Variants in KHDRBS2 observed in about 807,000 individuals in gnomAD.
KHDRBS2 encodes the protein KH domain-containing, RNA-binding, signal transduction-associated protein 2.
KHDRBS2 carries 26 observed loss-of-function variants against 44.3 expected under a neutral mutation model. The ratio of observed to expected loss-of-function variants is 0.59; its 90% CI spans 0.43 to 0.81. KHDRBS2 has a LOEUF of 0.81. Ranked by LOEUF, KHDRBS2 falls within the 40% of genes least tolerant of loss-of-function variation. KHDRBS2 has a pLI of 0.00. For missense variants in KHDRBS2, 476 were observed against 433.1 expected, an observed-to-expected ratio of 1.10 and a Z score of -0.88; for synonymous variants, 194 against 151.1, an observed-to-expected ratio of 1.28 and a Z score of -2.08.
chr6:61,648,607 CAGAGACTTTCAAT>C, the KHDRBS2 span, among the ~76,000 whole-genome samples: 1 of 152,116 alleles, frequency 6.6e-6, no homozygotes, highest in Non-Finnish European at 1.5e-5. Flanking sequence ...GACAGACAAT[CAGAGACTTTCAAT>C]AATATGTGGC....
At chr6:61,807,668 A>G (rs747215761) in intron 6 of KHDRBS2, among the ~76,000 whole-genome samples, 2 of 152,028 alleles carry the variant, frequency 1.3e-5, no homozygotes, top group African/African-American at 2.4e-5. Flanking sequence ...GCCTCCTTGA[A>G]GGTTGAGGGT....
At chr6:61,604,111 T>C in the KHDRBS2 span, among the ~76,000 whole-genome samples, 2 of 152,358 alleles carry the variant, frequency 1.3e-5, no homozygotes, top group East Asian at 3.9e-4. Context: ...TCAATATTTA[T>C]ATGACTCTAA....
chr6:61,826,040 T>A (rs571297973), intron 6 of KHDRBS2, among the ~76,000 whole-genome samples: 59 of 152,300 alleles, frequency 3.9e-4, no homozygotes, highest in South Asian at 3.1e-3. Context: ...ACAACATAGA[T>A]GTAAAAATAC....
intron 2 of KHDRBS2, among the ~76,000 whole-genome samples, chr6:62,050,666 T>A (rs1788812842): frequency 6.6e-6 from 1 of 152,004 alleles, no homozygotes; most frequent in Non-Finnish European, 1.5e-5. Context: ...CTGATGAAGA[T>A]GTGTAATTAC....
the KHDRBS2 span, among the ~76,000 whole-genome samples, chr6:61,639,673 G>A: frequency 6.6e-6 from 1 of 151,870 alleles, no homozygotes; most frequent in Non-Finnish European, 1.5e-5. Flanking sequence ...TAAAGTCTTG[G>A]GGGTAGGGAC....
chr6:61,543,897 C>T, the KHDRBS2 span, among the ~76,000 whole-genome samples: 231 of 151,866 alleles, frequency 1.5e-3, no homozygotes, highest in African/African-American at 5.1e-3. Context: ...AGCTAAAAAT[C>T]GAAACAATTG....
rs1439377355 is a variant in KHDRBS2, at chr6:61,911,596, C to T, written c.484-10225G>A. ...TATAATACCAGTTATTTAGTGGCTG[C>T]TGCTTTTTGTTTTATTTTTAAAGTG... is the stretch of plus-strand genomic sequence containing the variant. On this transcript the variant is annotated intron_variant, in intron 4 of 8. Transcript: ENST00000281156. Among the ~76,000 whole-genome samples the T allele has an allele frequency of 2.6e-5, 4 of 152,096 alleles. No homozygotes were observed. The East Asian group carries it at 7.7e-4, about 29-fold the overall frequency.
At chr6:61,980,817 G>T (rs1375743090) in intron 3 of KHDRBS2, among the ~76,000 whole-genome samples, 1 of 152,162 alleles carries the variant, frequency 6.6e-6, no homozygotes, top group Middle Eastern at 3.2e-3. Flanking sequence ...ATTCTTTTCT[G>T]ATTAGCTATT....
intron 2 of KHDRBS2, among the ~76,000 whole-genome samples, chr6:62,073,253 T>C (rs1180523570): frequency 6.6e-6 from 1 of 151,866 alleles, no homozygotes; most frequent in Non-Finnish European, 1.5e-5. Flanking sequence ...CATAGTTCTA[T>C]ACAGATTTTC....
At chr6:61,846,927 A>G (rs1794502802) in intron 6 of KHDRBS2, among the ~76,000 whole-genome samples, 1 of 152,112 alleles carries the variant, frequency 6.6e-6, no homozygotes, top group African/African-American at 2.4e-5. Flanking sequence ...ATTTTGTTCT[A>G]GTAATATGAT....
At chr6:61,908,490 C>T (rs1266333921) in intron 4 of KHDRBS2, among the ~76,000 whole-genome samples, 14 of 151,652 alleles carry the variant, frequency 9.2e-5, no homozygotes, top group Middle Eastern at 3.4e-3. Context: ...AAAAATTAGC[C>T]GGGCGTGGTG....
the KHDRBS2 span, among the ~76,000 whole-genome samples, chr6:61,620,583 A>G: frequency 6.6e-6 from 1 of 152,208 alleles, no homozygotes; most frequent in Non-Finnish European, 1.5e-5. Flanking sequence ...AATAACATTT[A>G]CAGAGAGTAA....
the KHDRBS2 span, among the ~76,000 whole-genome samples, chr6:61,636,471 A>G: frequency 6.6e-6 from 1 of 152,088 alleles, no homozygotes; most frequent in African/African-American, 2.4e-5. Flanking sequence ...GATTCCTCAA[A>G]TGGAAATTGT....
At chr6:61,750,864 G>A (rs1390425525) in intron 6 of KHDRBS2, among the ~76,000 whole-genome samples, 1 of 151,598 alleles carries the variant, frequency 6.6e-6, no homozygotes, top group Non-Finnish European at 1.5e-5. Flanking sequence ...TATGTTTCTA[G>A]TTTTATTTTG....
At chr6:62,058,301 A>C (rs755647994) in intron 2 of KHDRBS2, among the ~76,000 whole-genome samples, 3 of 151,918 alleles carry the variant, frequency 2.0e-5, no homozygotes, top group Non-Finnish European at 2.9e-5. Flanking sequence ...TTTTCATTTG[A>C]TACAGCTGGT....
At chr6:62,231,638 T>A (rs906155199) in intron 1 of KHDRBS2, among the ~76,000 whole-genome samples, 1 of 152,134 alleles carries the variant, frequency 6.6e-6, no homozygotes, top group African/African-American at 2.4e-5. Flanking sequence ...CAAGAGTACA[T>A]CAAGCCTAAT....
At chr6:62,241,407 G>A (rs1834644379) in intron 1 of KHDRBS2, among the ~76,000 whole-genome samples, 1 of 152,098 alleles carries the variant, frequency 6.6e-6, no homozygotes, top group Admixed American at 6.6e-5. Context: ...AGAAAGTGCT[G>A]AAAGCACTAA....
chr6:61,601,211 G>A, the KHDRBS2 span, among the ~76,000 whole-genome samples: 2 of 151,746 alleles, frequency 1.3e-5, no homozygotes, highest in Non-Finnish European at 2.9e-5. Flanking sequence ...TTTCCTGGGG[G>A]GCAAGCATCC....
At chr6:62,191,240 C>A (rs1824535137) in intron 1 of KHDRBS2, among the ~76,000 whole-genome samples, 1 of 152,094 alleles carries the variant, frequency 6.6e-6, no homozygotes. Flanking sequence ...AGTCTTATTG[C>A]TCACCACTTT....
Sources: allele counts gnomAD v4.1 joint callset (sites outside exome capture counted in the v4.1 genomes callset), GRCh38; gene constraint gnomAD v4.1.1; transcripts MANE v1.5; gene names NCBI Gene and HGNC (gene_info 2026-07-23, HGNC 2026-07-21).